Variants in PXDNL observed in about 807,000 individuals in gnomAD.
PXDNL encodes peroxidasin like, also known as probable oxidoreductase PXDNL.
In PXDNL, 145 loss-of-function variants were observed where a neutral mutation model predicts 150.8. The ratio of observed to expected loss-of-function variants is 0.96; its 90% confidence interval spans 0.84 to 1.10. The LOEUF (loss-of-function observed/expected upper bound fraction) is 1.10, where lower values mean the gene tolerates loss of function less well. Among genes scored for constraint, PXDNL ranks in the 50% least tolerant of loss-of-function variants. PXDNL has a pLI of 0.00. For synonymous variants in PXDNL, 757 were observed against 725.7 expected (o/e 1.04, Z -0.69); for missense variants, 2,087 against 1,873.9 (o/e 1.11, Z -2.10).
chr8:51,734,505 C>A (rs11984688), intron 1 of PXDNL, among the ~76,000 whole-genome samples: 7,533 of 152,284 alleles, frequency 0.049, 379 homozygotes, highest in African/African-American at 0.12. Flanking sequence ...TAGGAACTCA[C>A]AGCTCATCAA....
At chr8:51,692,465 T>C (rs958494365) in intron 1 of PXDNL, among the ~76,000 whole-genome samples, 3 of 152,170 alleles carry the variant, frequency 2.0e-5, no homozygotes, top group Non-Finnish European at 2.9e-5. Flanking sequence ...ATGAGGAAAG[T>C]CCATGAAAGT....
intron 1 of PXDNL, among the ~76,000 whole-genome samples, chr8:51,780,859 C>A (rs965308984): frequency 6.6e-6 from 1 of 151,824 alleles, no homozygotes; most frequent in Non-Finnish European, 1.5e-5. Context: ...AGGGTCTTGC[C>A]ATGTTGGCCA....
At chr8:51,332,682 T>A (rs1449784961) in intron 21 of PXDNL, among the ~76,000 whole-genome samples, 1 of 151,600 alleles carries the variant, frequency 6.6e-6, no homozygotes, top group Non-Finnish European at 1.5e-5. Flanking sequence ...CTTTTAGAAA[T>A]GTGAAATGCT....
chr8:51,789,880 A>G (rs529765988), intron 1 of PXDNL, among the ~76,000 whole-genome samples: 1 of 152,340 alleles, frequency 6.6e-6, no homozygotes, highest in South Asian at 2.1e-4. Flanking sequence ...ATCATTTTTA[A>G]AAAATGAATT....
chr8:51,545,919 TAACTC>T (rs1392415835), intron 4 of PXDNL, among the ~76,000 whole-genome samples: 2 of 152,170 alleles, frequency 1.3e-5, no homozygotes, highest in African/African-American at 2.4e-5. Context: ...CTCAAAATCT[TAACTC>T]ATTCCAGCAT....
At chr8:51,748,606 T>G (rs1452982119) in intron 1 of PXDNL, among the ~76,000 whole-genome samples, 1 of 152,164 alleles carries the variant, frequency 6.6e-6, no homozygotes, top group African/African-American at 2.4e-5. Flanking sequence ...TGTTTGGGCA[T>G]GGGGGTGAAG....
intron 4 of PXDNL, among the ~76,000 whole-genome samples, chr8:51,505,250 A>G (rs1023018811): frequency 2.0e-5 from 3 of 152,364 alleles, no homozygotes; most frequent in African/African-American, 7.2e-5. Context: ...TATGATCTTT[A>G]AAACATGCAG....
chr8:51,602,464 A>G lies in PXDNL; in HGVS notation c.237-9766T>C, dbSNP rs1197998406. Among the ~76,000 whole-genome samples, 7 of 152,116 alleles carry G rather than the reference A, an allele frequency of 4.6e-5. No homozygotes were observed. In the East Asian group the frequency reaches 1.4e-3, roughly 29 times the overall value. ...AAATTCTTTTATCTGCTTAGTCCAC[A>G]TAAATTTATTATTAAGTGAATTTGG... On this transcript the variant is annotated intron_variant, in intron 2 of 22. Transcript: ENST00000356297.
chr8:51,521,684 A>C (rs1341706521), intron 4 of PXDNL, among the ~76,000 whole-genome samples: 1 of 152,164 alleles, frequency 6.6e-6, no homozygotes, highest in Non-Finnish European at 1.5e-5. Context: ...AAATACCAAA[A>C]ACTGCATCTA....
At chr8:51,399,749 T>C (rs897522299) in intron 17 of PXDNL, among the ~76,000 whole-genome samples, 40 of 152,352 alleles carry the variant, frequency 2.6e-4, no homozygotes, top group African/African-American at 9.6e-4. Context: ...TGATGTTAAC[T>C]GAAAATTTAG....
At chr8:51,729,412 T>C (rs762098565) in intron 1 of PXDNL, among the ~76,000 whole-genome samples, 2 of 151,894 alleles carry the variant, frequency 1.3e-5, no homozygotes, top group Non-Finnish European at 2.9e-5. Context: ...CTTAATATCA[T>C]AGTCATTAGA....
At chr8:51,354,092 T>C (rs1172625859) in intron 19 of PXDNL, among the ~76,000 whole-genome samples, 6 of 152,140 alleles carry the variant, frequency 3.9e-5, no homozygotes, top group Non-Finnish European at 5.9e-5. Context: ...TCCTTTAAAC[T>C]CCACATTGTT....
chr8:51,522,710 G>A (rs1811687131), intron 4 of PXDNL, among the ~76,000 whole-genome samples: 1 of 152,090 alleles, frequency 6.6e-6, no homozygotes, highest in Non-Finnish European at 1.5e-5. Flanking sequence ...TGGGCATTGT[G>A]GTGCATGCCT....
rs189485362 is a variant in PXDNL at position 51,492,181 on chromosome 8, A to C, written c.452+7518T>G. On this transcript the variant is annotated intron_variant, in intron 5 of 22. Transcript: ENST00000356297. Reference sequence around the variant, plus strand: ...ATCCTTTTTTAAACATAAATTTTTAATTCAAATTTTCTTTAAGGGAAAACA... The same window carrying C: ...ATCCTTTTTTAAACATAAATTTTTACTTCAAATTTTCTTTAAGGGAAAACA... Among the ~76,000 whole-genome samples, 353 of 152,328 alleles carry C rather than the reference A, an allele frequency of 2.3e-3. 1 individual carries two copies. Among genetic ancestry groups the C allele is most frequent in the Non-Finnish European group, 3.9e-3 (265 of 68,022 alleles).
intron 3 of PXDNL, among the ~76,000 whole-genome samples, chr8:51,592,031 A>T (rs1192880855): frequency 6.6e-6 from 1 of 152,184 alleles, no homozygotes; most frequent in Non-Finnish European, 1.5e-5. Context: ...TCCAATCATG[A>T]CCTCCCAACA....
At chr8:51,600,266 T>C (rs568716178) in intron 2 of PXDNL, among the ~76,000 whole-genome samples, 17 of 129,790 alleles carry the variant, frequency 1.3e-4, no homozygotes, top group Admixed American at 1.1e-3. Context: ...ATATAAATTA[T>C]ATCGTTTAGA....
intron 12 of PXDNL, among the ~76,000 whole-genome samples, chr8:51,436,937 T>C (rs976839582): frequency 6.6e-6 from 1 of 151,500 alleles, no homozygotes; most frequent in African/African-American, 2.4e-5. Flanking sequence ...AAAAGATAAA[T>C]AAAATTCATA....
intron 12 of PXDNL, 47 bp downstream of exon 12, chr8:51,446,957 C>G: frequency 6.3e-7 from 1 of 1,583,656 alleles, no homozygotes; most frequent in South Asian, 1.1e-5. Context: ...AAGACACAGG[C>G]AGAAGGCACA....
chr8:51,381,871 G>A lies in PXDNL; in HGVS notation c.3558-7140C>T, dbSNP rs148888783. 4.9e-3 allele frequency among the ~76,000 whole-genome samples: 749 copies of A among 151,650 alleles called. 5 individuals carry two copies. Among genetic ancestry groups the A allele is most frequent in the African/African-American group, 0.018 (723 of 41,300 alleles). ...AAGATATGATTTAATAAGAAAAATA[G>A]AAACACTAATGACAGGTTAACTGCT... On this transcript the variant is annotated intron_variant, in intron 17 of 22. Coordinates refer to ENST00000356297, the MANE Select transcript of PXDNL (RefSeq NM_144651.5).
Sources: gnomAD v4.1 joint callset for allele counts (sites outside exome capture counted in the v4.1 genomes callset) on GRCh38, gnomAD v4.1.1 for gene constraint, MANE v1.5 for transcripts, NCBI Gene and HGNC (gene_info 2026-07-23, HGNC 2026-07-21) for gene names.